Variants in BTBD9 observed in about 807,000 individuals in gnomAD.
BTBD9 encodes BTB/POZ domain-containing protein 9.
Under a neutral mutation model 64.3 loss-of-function variants are expected in BTBD9, and 49 were observed. The observed-to-expected ratio is 0.76, with a 90% CI of 0.61 to 0.97. BTBD9 has a LOEUF of 0.97. Ranked by LOEUF, BTBD9 falls within the 50% of genes least tolerant of loss-of-function variation. BTBD9 has a pLI of 0.00. For synonymous variants in BTBD9, 260 were observed against 274.7 expected (o/e 0.95, Z 0.53); for missense variants, 598 against 762.1 (o/e 0.78, Z 2.53).
chr6:38,555,463 T>G (rs1204426301), intron 6 of BTBD9, among the ~76,000 whole-genome samples: 1 of 152,238 alleles, frequency 6.6e-6, no homozygotes, highest in Non-Finnish European at 1.5e-5. Context: ...AAATTGAGAT[T>G]AAATGTAAGT....
At chr6:38,539,484 G>A (rs1774169532) in intron 6 of BTBD9, among the ~76,000 whole-genome samples, 1 of 152,148 alleles carries the variant, frequency 6.6e-6, no homozygotes. Context: ...ATTATAACCA[G>A]AAGACCACTG....
chr6:38,482,844 G>T (rs1424068639), intron 6 of BTBD9, among the ~76,000 whole-genome samples: 1 of 152,136 alleles, frequency 6.6e-6, no homozygotes, highest in African/African-American at 2.4e-5. Context: ...CACAAGCACT[G>T]TCAACATGAA....
chr6:38,623,521 GCCTAGA>G (rs1342114819), intron 1 of BTBD9, among the ~76,000 whole-genome samples: 2 of 152,168 alleles, frequency 1.3e-5, no homozygotes, highest in Admixed American at 6.5e-5. Flanking sequence ...AACCACTGAG[GCCTAGA>G]CCTCCTCACT....
Position 38,388,217 on chromosome 6 carries a change from G to C in BTBD9, c.1155-43124C>G, listed in dbSNP as rs566584553. Among the ~76,000 whole-genome samples the C allele has an allele frequency of 9.7e-5, 8 of 82,202 alleles. No homozygotes were observed. In the East Asian group the frequency reaches 3.8e-3, roughly 39 times the overall value. The allele number at this position is 82,202 out of a possible 152,430, so 53.9% of individuals were successfully genotyped here. On this transcript the variant is annotated intron_variant, in intron 6 of 10. Coordinates refer to ENST00000481247, the MANE Select transcript of BTBD9 (RefSeq NM_001099272.2). The stretch of plus-strand genomic sequence containing the variant: ...AAATGCTTCTGGTGTAACTGCCCCT[G>C]ACAAAAAAAAAAAAAAAAAGTCTAC...
At chr6:38,486,503 T>C (rs1191506869) in intron 6 of BTBD9, among the ~76,000 whole-genome samples, 1 of 152,216 alleles carries the variant, frequency 6.6e-6, no homozygotes, top group Non-Finnish European at 1.5e-5. Context: ...GGTTATTAAC[T>C]GGCCTAATTT....
At chr6:38,481,526 C>CT (rs1771141685) in intron 6 of BTBD9, among the ~76,000 whole-genome samples, 1 of 152,306 alleles carries the variant, frequency 6.6e-6, no homozygotes, top group African/African-American at 2.4e-5. Flanking sequence ...AGCAGCTCTG[C>CT]TCACGACCTC....
intron 9 of BTBD9, among the ~76,000 whole-genome samples, chr6:38,210,931 C>T (rs1390127572): frequency 6.6e-6 from 1 of 152,184 alleles, no homozygotes; most frequent in African/African-American, 2.4e-5. Context: ...CCCAGTCCCT[C>T]CTGAACACCA....
In BTBD9 at chr6:38,375,161, T is replaced by C. The variant is rs114194866; in HGVS notation, c.1155-30068A>G. ...GGAAAGTTAATGCAAGAAATGCTAT[T>C]GAGTTGTCCACATGATCTTTTCCTC... On this transcript the variant is annotated intron_variant, in intron 6 of 10. Coordinates refer to ENST00000481247, the MANE Select transcript of BTBD9 (RefSeq NM_001099272.2). Among the ~76,000 whole-genome samples, 990 of 152,318 alleles carry C rather than the reference T, an allele frequency of 6.5e-3. 8 individuals carry two copies. The highest frequency in any genetic ancestry group is 0.023 in the African/African-American group (937 of 41,560).
intron 10 of BTBD9, among the ~76,000 whole-genome samples, chr6:38,188,828 T>C (rs1162766899): frequency 1.3e-5 from 2 of 152,202 alleles, no homozygotes; most frequent in Non-Finnish European, 2.9e-5. Context: ...TGAGCGCTCA[T>C]GCCTGCGCCC....
At chr6:38,512,976 T>C (rs1309180118) in intron 6 of BTBD9, among the ~76,000 whole-genome samples, 1 of 152,188 alleles carries the variant, frequency 6.6e-6, no homozygotes, top group Non-Finnish European at 1.5e-5. Flanking sequence ...AAAGCTATGC[T>C]AACAAGTACA....
chr6:38,548,849 G>A (rs1385026739), intron 6 of BTBD9, among the ~76,000 whole-genome samples: 1 of 152,132 alleles, frequency 6.6e-6, no homozygotes, highest in East Asian at 1.9e-4. Flanking sequence ...GTAAAAAGAT[G>A]AGCAATAAAT....
intron 9 of BTBD9, among the ~76,000 whole-genome samples, chr6:38,236,915 C>T (rs546799734): frequency 7.9e-4 from 120 of 152,326 alleles, no homozygotes; most frequent in African/African-American, 2.8e-3. Context: ...AAACAAAGAA[C>T]TGTGAGATGA....
At chr6:38,382,160 T>C (rs1191176134) in intron 6 of BTBD9, among the ~76,000 whole-genome samples, 2 of 152,128 alleles carry the variant, frequency 1.3e-5, no homozygotes, top group Admixed American at 6.5e-5. Flanking sequence ...CTGTGGTGTT[T>C]TAAATTGCCC....
At chr6:38,375,895 G>GA (rs1412557739) in intron 6 of BTBD9, among the ~76,000 whole-genome samples, 1 of 88,760 alleles carries the variant, frequency 1.1e-5, no homozygotes, top group African/African-American at 5.6e-5. Flanking sequence ...AGAAAGAAAA[G>GA]AAAGAAAGAA....
rs143735420 is a variant in BTBD9, at chr6:38,200,255, G to A, written c.1563-7658C>T. ...AAACAAAATAGACCAAAACCTGTGGGACACTGCAAAAGCAGTACTCAGAGG... is the reference window on the plus strand; with the variant it reads ...AAACAAAATAGACCAAAACCTGTGGAACACTGCAAAAGCAGTACTCAGAGG... On this transcript the variant is annotated intron_variant, in intron 9 of 10. Coordinates refer to ENST00000481247, the MANE Select transcript of BTBD9 (RefSeq NM_001099272.2). Among the ~76,000 whole-genome samples, 9 of 152,316 alleles carry A rather than the reference G, an allele frequency of 5.9e-5. No individual in the cohort carries two copies. The East Asian group carries it at 1.7e-3, about 29-fold the overall frequency.
Position 38,597,991 on chromosome 6 carries a change from T to C in BTBD9, c.104A>G (p.Tyr35Cys). ...HIGALLIGEE[Y>C]GDVTFVVEKK... ...TTCCACCACGAATGTGACGTCGCCATATTCTTCCCCAATCAACAAGGCACC... is the reference window on the plus strand; with the variant it reads ...TTCCACCACGAATGTGACGTCGCCACATTCTTCCCCAATCAACAAGGCACC... The change falls in exon 2 of 11, where the codon TAT becomes TGT. Residue 35 changes from tyrosine (Y) to cysteine (C), a missense_variant. Physicochemically the swap from Tyr to Cys is radical, Grantham distance 194. Transcript: ENST00000481247. 6.2e-7 allele frequency: 1 copy of C among 1,614,016 alleles called. No homozygotes were observed. The highest frequency in any genetic ancestry group is 1.1e-5 in the South Asian group (1 of 91,086).
intron 6 of BTBD9, among the ~76,000 whole-genome samples, chr6:38,559,801 A>G (rs1010322453): frequency 1.3e-5 from 2 of 152,288 alleles, no homozygotes; most frequent in Non-Finnish European, 1.5e-5. Context: ...GATCTTCAAC[A>G]AAGTTGACAA....
intron 6 of BTBD9, among the ~76,000 whole-genome samples, chr6:38,474,158 T>A (rs1770776358): frequency 6.6e-6 from 1 of 152,124 alleles, no homozygotes; most frequent in African/African-American, 2.4e-5. Flanking sequence ...ACACTCTAAC[T>A]GCTGAGTAGA....
At chr6:38,212,858 C>A (rs1432190120) in intron 9 of BTBD9, among the ~76,000 whole-genome samples, 1 of 152,166 alleles carries the variant, frequency 6.6e-6, no homozygotes, top group Non-Finnish European at 1.5e-5. Flanking sequence ...CCTTCTCCCC[C>A]AGCAGCGCAT....
Sources: gnomAD v4.1 joint callset for allele counts (sites outside exome capture counted in the v4.1 genomes callset) on GRCh38, gnomAD v4.1.1 for gene constraint, MANE v1.5 for transcripts, NCBI Gene and HGNC (gene_info 2026-07-23, HGNC 2026-07-21) for gene names.